The following PCNX3 variants were observed in gnomAD, a reference collection of about 807,000 sequenced individuals.
The protein encoded by PCNX3 is pecanex-like protein 3.
In PCNX3, 58 loss-of-function variants were observed where a neutral mutation model predicts 207.2. That is an observed-to-expected ratio of 0.28 (90% CI 0.23 to 0.35). The LOEUF (loss-of-function observed/expected upper bound fraction) is 0.35, where lower values mean the gene tolerates loss of function less well. Among genes scored for constraint, PCNX3 ranks in the 10% least tolerant of loss-of-function variants. The pLI, the probability that PCNX3 is intolerant of heterozygous loss-of-function variation, is 1.00. For missense variants in PCNX3, 2,410 were observed against 2,774.4 expected, an observed-to-expected ratio of 0.87 and a Z score of 2.95; for synonymous variants, 1,337 against 1,183.5, an observed-to-expected ratio of 1.13 and a Z score of -2.66.
At chr11:65,629,772 G>A (rs375822058) in intron 26 of PCNX3, 37 bp downstream of exon 26, 2 of 1,538,458 alleles carry the variant, frequency 1.3e-6, no homozygotes, top group African/African-American at 1.4e-5. Flanking sequence ...GGCAGGCACA[G>A]CTCGGGCCTG....
chr11:65,616,079 G>A lies in PCNX3; in HGVS notation c.-233G>A, dbSNP rs1257616602. 1.5e-5 allele frequency: 5 copies of A among 326,132 alleles called. No homozygotes were observed. The highest frequency in any genetic ancestry group is 5.0e-5 in the Admixed American group (1 of 19,934). 20.2% of individuals were successfully genotyped at this position (326,132 alleles called of 1,614,324 possible). On this transcript the variant is annotated 5_prime_UTR_variant, in exon 1 of 35. Transcript: ENST00000355703. Reference sequence around the variant, plus strand: ...GGCCAGGAGTGGGGACCCGGACCCCGCCCCTGATGCAGCCCCACCCCCGCG... The same window carrying A: ...GGCCAGGAGTGGGGACCCGGACCCCACCCCTGATGCAGCCCCACCCCCGCG...
chr11:65,616,513 C>A, intron 1 of PCNX3, 49 bp downstream of exon 1: 1 of 1,557,238 alleles, frequency 6.4e-7, no homozygotes, highest in Non-Finnish European at 8.7e-7. Flanking sequence ...GGGAGGGCAG[C>A]CTGGCAGGGA....
rs572217535 is a variant in PCNX3 at position 65,636,216 on chromosome 11, C to T, written c.5502C>T (p.Asn1834=). ...GCGAGCNSGG[N]VDDSDCSGGG... ...GCGCCGGCTGCAATAGTGGCGGGAA[C>T]GTGGATGATTCAGACTGTAGTGGGG... The change falls in exon 33 of 35, where the codon AAC becomes AAT. Residue 1834 remains asparagine, a synonymous_variant. Coordinates refer to ENST00000355703, the MANE Select transcript of PCNX3 (RefSeq NM_032223.4). The T allele has an allele frequency of 3.2e-5, 51 of 1,580,052 alleles. No individual in the cohort carries two copies. The East Asian group carries it at 7.2e-4, about 22-fold the overall frequency.
chr11:65,626,737 T>C, intron 20 of PCNX3, 167 bp from the exon 21 acceptor site: 1 of 928,262 alleles, frequency 1.1e-6, no homozygotes. Context: ...TGTGGAGCCC[T>C]TGCCCTGCTG....
chr11:65,618,580 T>C lies in PCNX3; in HGVS notation c.1218T>C (p.Arg406=), dbSNP rs1268204931. Reference sequence around the variant, plus strand: ...TGCGAAGACACTCTCCACCTGGCCGTGCCCCTCGACGGCCCCTGCTTGAAG... The same window carrying C: ...TGCGAAGACACTCTCCACCTGGCCGCGCCCCTCGACGGCCCCTGCTTGAAG... ...PPLRRHSPPG[R]APRRPLLEGG... is the part of the protein sequence containing the mutation. Residue 406 remains arginine, a synonymous_variant, in exon 6 of 35, where the codon CGT becomes CGC. Coordinates refer to ENST00000355703, the MANE Select transcript of PCNX3 (RefSeq NM_032223.4). 1 of 1,612,000 alleles carries C rather than the reference T, an allele frequency of 6.2e-7. No homozygotes were observed. Among genetic ancestry groups the C allele is most frequent in the South Asian group, 1.1e-5 (1 of 91,074 alleles).
Position 65,624,820 on chromosome 11 carries a change from C to A in PCNX3, c.2828-105C>A, listed in dbSNP as rs1855295603. On this transcript the variant is annotated intron_variant, in intron 15 of 34. Coordinates refer to ENST00000355703, the MANE Select transcript of PCNX3 (RefSeq NM_032223.4). ...AGCAGAGAACAATGGGCTGGGGGTG[C>A]CTTTCCAGGGAGGCCAGCCTCTGGG... The A allele has an allele frequency of 3.3e-6, 4 of 1,206,304 alleles. No individual in the cohort carries two copies. The African/African-American group carries it at 4.5e-5, about 14-fold the overall frequency. The allele number at this position is 1,206,304 out of a possible 1,614,324, so 74.7% of individuals were successfully genotyped here.
chr11:65,621,015 G>T, intron 10 of PCNX3, 49 bp downstream of exon 10: 1 of 1,488,280 alleles, frequency 6.7e-7, no homozygotes, highest in Non-Finnish European at 8.9e-7. Context: ...TGACGGGGCG[G>T]GCAGATCACT....
At chr11:65,629,238 G>C in intron 24 of PCNX3, 119 bp from the exon 25 acceptor site, 1 of 1,103,020 alleles carries the variant, frequency 9.1e-7, no homozygotes, top group Non-Finnish European at 1.3e-6. Context: ...CTCCTCATCT[G>C]CCTGCATAAC....
chr11:65,628,747 G>A (rs1855501515), intron 23 of PCNX3, 44 bp downstream of exon 23: 1 of 1,599,972 alleles, frequency 6.3e-7, no homozygotes, highest in Non-Finnish European at 8.5e-7. Context: ...GGAGGGCTGT[G>A]GCCTGGGGCA....
chr11:65,633,721 G>C (rs1389515984), intron 27 of PCNX3, among the ~76,000 whole-genome samples: 1 of 152,222 alleles, frequency 6.6e-6, no homozygotes, highest in Non-Finnish European at 1.5e-5. Context: ...CAGGGCAGGT[G>C]GGGCCAGCTC....
intron 8 of PCNX3, 120 bp downstream of exon 8, chr11:65,620,052 A>G (rs1409683239): frequency 2.9e-5 from 32 of 1,121,580 alleles, no homozygotes; most frequent in Non-Finnish European, 3.8e-5. Context: ...GCTGCCAGAC[A>G]TCATCCTTGC....
intron 10 of PCNX3, 38 bp downstream of exon 10, chr11:65,621,004 G>T (rs748948968): frequency 6.7e-6 from 10 of 1,496,502 alleles, no homozygotes; most frequent in Admixed American, 6.2e-5. Flanking sequence ...CCAGTGGGGC[G>T]TGACGGGGCG....
In PCNX3 at chr11:65,625,530, G is replaced by T; in HGVS notation, c.3135+20G>T. On this transcript the variant is annotated intron_variant, in intron 18 of 34. Transcript: ENST00000355703. This position sits in a 1 kb window ranked among gnomAD's most constrained non-coding sequence, Gnocchi z 5.6. The stretch of plus-strand genomic sequence containing the variant: ...TCGGTGGTGAGGGGGCGGGGGGTGG[G>T]GGTCTGTGGGGAGGTGGTGACAGGT... 3 of 1,581,240 alleles carry T rather than the reference G, an allele frequency of 1.9e-6. No homozygotes were observed. The highest frequency in any genetic ancestry group is 2.6e-6 in the Non-Finnish European group (3 of 1,166,568).
chr11:65,626,907 C>T lies in PCNX3; in HGVS notation c.3383C>T (p.Ala1128Val). The part of the protein sequence containing the change: ...LEYSQYEVRG[A>V]AQVMWFEKLY... Reference sequence around the variant, plus strand: ...GAGTCCTGGCCTCTCCACACAGGTGCCGCCCAGGTGATGTGGTTTGAGAAG... The same window carrying T: ...GAGTCCTGGCCTCTCCACACAGGTGTCGCCCAGGTGATGTGGTTTGAGAAG... The change falls in exon 21 of 35, where the codon GCC (alanine) becomes GTC (valine). Residue 1128 changes from alanine to valine, a missense_variant. Transcript: ENST00000355703. The T allele has an allele frequency of 1.3e-6, 2 of 1,585,366 alleles. No homozygotes were observed. The highest frequency in any genetic ancestry group is 2.3e-5 in the East Asian group (1 of 43,436).
chr11:65,619,661 G>T lies in PCNX3; in HGVS notation c.1829+1G>T. The T allele has an allele frequency of 6.3e-7, 1 of 1,595,358 alleles. No homozygotes were observed. Among genetic ancestry groups the T allele is most frequent in the Non-Finnish European group, 8.5e-7 (1 of 1,176,748 alleles). On this transcript the variant is annotated splice_donor_variant, in intron 7 of 34. Transcript: ENST00000355703. LOFTEE classifies it high-confidence loss of function. ...CCTCTGTCATGGGCTCGCCGCCCAG[G>T]TGAGCACCTTGCCAGCTGTGCCGAG...
chr11:65,634,032 C>T lies in PCNX3; in HGVS notation c.4471-94C>T, dbSNP rs985139607. On this transcript the variant is annotated intron_variant, in intron 27 of 34. Transcript: ENST00000355703. ...GGGCATCCCAGAAAGCGGACTTCAGCTCAGTCTTGGGGAGGAGCCTCTGAA... is the reference window on the plus strand; with the variant it reads ...GGGCATCCCAGAAAGCGGACTTCAGTTCAGTCTTGGGGAGGAGCCTCTGAA... The T allele has an allele frequency of 2.6e-5, 31 of 1,179,858 alleles. No homozygotes were observed. In the East Asian group the frequency reaches 7.7e-4, roughly 29 times the overall value. 73.1% of individuals were successfully genotyped at this position (1,179,858 alleles called of 1,614,324 possible).
At position 65,619,553 on chromosome 11, in the gene PCNX3, C is replaced by T. The variant is rs2135411870; in HGVS notation, c.1722C>T (p.Gly574=). The part of the protein sequence containing the change: ...GAVGGAAEET[G]RRDRSSSVRR... The stretch of plus-strand genomic sequence containing the variant: ...TCTGGGCAGCGGCCGAGGAGACTGG[C>T]AGGCGGGACCGCTCAAGCAGTGTGA... The change falls in exon 7 of 35, where the codon GGC becomes GGT. Residue 574 remains glycine, a synonymous_variant. Coordinates refer to ENST00000355703, the MANE Select transcript of PCNX3 (RefSeq NM_032223.4). 1.2e-6 allele frequency: 2 copies of T among 1,610,604 alleles called. No homozygotes were observed. The highest frequency in any genetic ancestry group is 4.5e-5 in the East Asian group (2 of 44,876).
rs970913926 is a variant in PCNX3, at chr11:65,620,062, C to A, written c.2008+130C>A. 118 of 1,081,332 alleles carry A rather than the reference C, an allele frequency of 1.1e-4. No homozygotes were observed. In the African/African-American group the frequency reaches 1.8e-3, roughly 16 times the overall value. The allele number at this position is 1,081,332 out of a possible 1,614,324, so 67.0% of individuals were successfully genotyped here. A position where few individuals can be genotyped will look rare whatever the true frequency, so the allele number is the denominator to read the frequency against. ...CTAATGCTGCCAGACATCATCCTTG[C>A]AGCCTCTTTGAGGCACGGTGTCTCT... is the stretch of plus-strand genomic sequence containing the variant. On this transcript the variant is annotated intron_variant, in intron 8 of 34. Coordinates refer to ENST00000355703, the MANE Select transcript of PCNX3 (RefSeq NM_032223.4).
chr11:65,633,005 G>A (rs1401619941), intron 27 of PCNX3, among the ~76,000 whole-genome samples: 2 of 152,010 alleles, frequency 1.3e-5, no homozygotes, highest in Admixed American at 6.6e-5. Context: ...TCCACCTCCC[G>A]AAGTTCTGGG....
Sources: allele counts gnomAD v4.1 joint callset (sites outside exome capture counted in the v4.1 genomes callset), GRCh38; gene constraint gnomAD v4.1.1; non-coding constraint Gnocchi (gnomAD v3.1); transcripts MANE v1.5; gene names NCBI Gene and HGNC (gene_info 2026-07-23, HGNC 2026-07-21).